Variants in CASZ1 observed in about 807,000 individuals in gnomAD.
CASZ1 encodes zinc finger protein castor homolog 1.
In CASZ1, 28 loss-of-function variants were observed where a neutral mutation model predicts 135.2. The observed-to-expected ratio is 0.21, with a 90% confidence interval of 0.15 to 0.28. The LOEUF is 0.28. CASZ1 is among the 10% of genes least tolerant of loss of function. The pLI, the probability that CASZ1 is intolerant of heterozygous loss-of-function variation, is 1.00. For synonymous variants in CASZ1, 1,068 were observed against 1,073.4 expected (o/e 0.99, Z 0.10); for missense variants, 2,161 against 2,453.3 (o/e 0.88, Z 2.52).
Position 10,660,317 on chromosome 1 carries a change from T to C in CASZ1, c.725A>G (p.Tyr242Cys). ...CTCGCCAGCCTTGAGCTTGCGGATG[T>C]ACTCCTCATACTTAGAGAACCGCGC... ...KRARFSKYEE[Y>C]IRKLKAGEQL... The change falls in exon 6 of 21, where the codon TAC becomes TGC. Residue 242 changes from tyrosine to cysteine, a missense_variant. Around this residue, in one of 7 missense-constraint regions of CASZ1, gnomAD observed 590 missense variants for 609.8 expected, o/e 0.97. Coordinates refer to ENST00000377022, the MANE Select transcript of CASZ1 (RefSeq NM_001079843.3). 6.2e-7 allele frequency: 1 copy of C among 1,614,136 alleles called. No homozygotes were observed. Among genetic ancestry groups the C allele is most frequent in the Non-Finnish European group, 8.5e-7 (1 of 1,180,020 alleles).
chr1:10,795,715 G>C (rs903544740), intron 1 of CASZ1, among the ~76,000 whole-genome samples: 5 of 152,204 alleles, frequency 3.3e-5, no homozygotes, highest in African/African-American at 1.2e-4. Context: ...GCAGGGGGTG[G>C]GGTGGGGAAG....
At chr1:10,743,005 G>A (rs1487933153) in intron 2 of CASZ1, among the ~76,000 whole-genome samples, 2 of 150,886 alleles carry the variant, frequency 1.3e-5, no homozygotes, top group Non-Finnish European at 2.9e-5. Flanking sequence ...AGAAAAAAAA[G>A]CCTCTGAGCA....
At chr1:10,675,022 G>C (rs284314) in intron 4 of CASZ1, among the ~76,000 whole-genome samples, 114,801 of 151,782 alleles carry the variant, frequency 0.76, 44,193 homozygotes, top group Middle Eastern at 0.86. Context: ...GATACCCCCC[G>C]CAACCAACTG....
In CASZ1 at chr1:10,662,259, CCA is replaced by C. The variant is rs528679165; in HGVS notation, c.506-1725_506-1724del. Among the ~76,000 whole-genome samples the C allele has an allele frequency of 4.4e-4, 60 of 136,590 alleles. No homozygotes were observed. In the East Asian group the frequency reaches 6.0e-3, roughly 14 times the overall value. The allele number at this position is 136,590 out of a possible 152,430, so 89.6% of individuals were successfully genotyped here. ...CACATACATTGACACCCACCCACCC[CCA>C]CACACAGTCACATGCTCACAATCAC... On this transcript the variant is annotated intron_variant, in intron 5 of 20. Coordinates refer to ENST00000377022, the MANE Select transcript of CASZ1 (RefSeq NM_001079843.3).
chr1:10,772,034 C>A (rs757095027), intron 1 of CASZ1, among the ~76,000 whole-genome samples: 12 of 152,198 alleles, frequency 7.9e-5, no homozygotes, highest in Non-Finnish European at 1.6e-4. Flanking sequence ...GCACTGACTG[C>A]CAAGGCAACA....
At chr1:10,688,740 T>TTCTGTGGCCAGGCAGCC (rs1262893945) in intron 4 of CASZ1, among the ~76,000 whole-genome samples, 3 of 152,192 alleles carry the variant, frequency 2.0e-5, no homozygotes, top group Non-Finnish European at 4.4e-5. Flanking sequence ...GTCAGGGTGC[T>TTCTGTGGCCAGGCAGCC]GTTCTGTGGC....
intron 2 of CASZ1, among the ~76,000 whole-genome samples, chr1:10,746,147 G>A (rs565380551): frequency 8.5e-5 from 13 of 152,344 alleles, no homozygotes; most frequent in African/African-American, 2.9e-4. Flanking sequence ...TACTGTTCCC[G>A]CTGTCCAGGC....
chr1:10,680,452 T>G (rs1638378014), intron 4 of CASZ1, among the ~76,000 whole-genome samples: 1 of 152,192 alleles, frequency 6.6e-6, no homozygotes, highest in African/African-American at 2.4e-5. Context: ...CTGGCTTGGT[T>G]GAGTTTCTCA....
chr1:10,737,112 T>C (rs567937934), intron 2 of CASZ1, among the ~76,000 whole-genome samples: 1 of 152,242 alleles, frequency 6.6e-6, no homozygotes, highest in Non-Finnish European at 1.5e-5. Context: ...TCCATCCAGC[T>C]GCTGGGGCCA....
intron 2 of CASZ1, among the ~76,000 whole-genome samples, chr1:10,744,426 AG>A (rs1323906987): frequency 1.8e-5 from 1 of 56,710 alleles, no homozygotes; most frequent in African/African-American, 7.7e-5. Flanking sequence ...GGGCACCACG[AG>A]CAGGCATGTC....
At chr1:10,710,749 C>T (rs537487306) in intron 2 of CASZ1, among the ~76,000 whole-genome samples, 1 of 152,404 alleles carries the variant, frequency 6.6e-6, no homozygotes, top group Non-Finnish European at 1.5e-5. Flanking sequence ...CTAGATCTCT[C>T]TTGTCCCTGC....
intron 1 of CASZ1, among the ~76,000 whole-genome samples, chr1:10,783,113 C>A (rs184465293): frequency 6.6e-6 from 1 of 152,336 alleles, no homozygotes; most frequent in Admixed American, 6.5e-5. Context: ...TCAACACACA[C>A]GGCCCTCCCG....
Position 10,709,246 on chromosome 1 carries a change from G to C in CASZ1, c.-76-3702C>G, listed in dbSNP as rs543099711. On this transcript the variant is annotated intron_variant, in intron 2 of 20. Coordinates refer to ENST00000377022, the MANE Select transcript of CASZ1 (RefSeq NM_001079843.3). This position sits in a 1 kb window ranked among gnomAD's most constrained non-coding sequence, Gnocchi z 5.1. ...AGGCCTCCCGGGGCCATGGGGGCTC[G>C]GGGCAGCTGTCGGGCTGCCCATCCG... 1.3e-5 allele frequency among the ~76,000 whole-genome samples: 2 copies of C among 152,122 alleles called. No homozygotes were observed. Among genetic ancestry groups the C allele is most frequent in the East Asian group, 1.9e-4 (1 of 5,180 alleles).
At chr1:10,748,441 C>G (rs1487557271) in intron 2 of CASZ1, among the ~76,000 whole-genome samples, 1 of 152,238 alleles carries the variant, frequency 6.6e-6, no homozygotes. Context: ...GGTCCCAGGT[C>G]CGGTCACAGG....
intron 1 of CASZ1, among the ~76,000 whole-genome samples, chr1:10,771,316 TTTA>T (rs955808632): frequency 1.4e-4 from 22 of 151,862 alleles, no homozygotes; most frequent in African/African-American, 4.3e-4. Flanking sequence ...CTTAGAAGTT[TTTA>T]TTATTATTAT....
chr1:10,674,136 C>A (rs1335333448), intron 4 of CASZ1, among the ~76,000 whole-genome samples: 1 of 152,226 alleles, frequency 6.6e-6, no homozygotes, highest in Non-Finnish European at 1.5e-5. Flanking sequence ...CCCCAGGTGC[C>A]CCTGCACTAG....
chr1:10,784,831 G>A (rs1400324790), intron 1 of CASZ1, among the ~76,000 whole-genome samples: 1 of 152,124 alleles, frequency 6.6e-6, no homozygotes, highest in African/African-American at 2.4e-5. Context: ...CTCCCAAAGT[G>A]CTGGTATTAC....
rs1396621246 is a variant in CASZ1, at chr1:10,724,630, A to G, written c.-76-19086T>C. Among the ~76,000 whole-genome samples the G allele has an allele frequency of 6.6e-6, 1 of 152,170 alleles. No individual in the cohort carries two copies. Among genetic ancestry groups the G allele is most frequent in the African/African-American group, 2.4e-5 (1 of 41,440 alleles). On this transcript the variant is annotated intron_variant, in intron 2 of 20. Coordinates refer to ENST00000377022, the MANE Select transcript of CASZ1 (RefSeq NM_001079843.3). The surrounding 1 kb of genome is among the most constrained non-coding windows in gnomAD (Gnocchi z 4.1). ...AGCAGAGAGTGTTAGAGGTTAGAGA[A>G]GCACTTCTCCCCCAGCCAAAGCAAG...
Position 10,639,975 on chromosome 1 carries a change from C to G in CASZ1, c.4247G>C (p.Arg1416Pro), listed in dbSNP as rs771774588. 4.3e-6 allele frequency: 7 copies of G among 1,612,696 alleles called. No individual in the cohort carries two copies. The highest frequency in any genetic ancestry group is 5.9e-6 in the Non-Finnish European group (7 of 1,180,022). The part of the protein sequence containing the change: ...IEDMSPFGKR[R>P]KTASSRKMLD... ...CATCTTCCGGGAGGACGCCGTCTTCCGCCGCTTGCCGAAGGGCGACATGTC... is the reference window on the plus strand; with the variant it reads ...CATCTTCCGGGAGGACGCCGTCTTCGGCCGCTTGCCGAAGGGCGACATGTC... The change falls in exon 21 of 21, where the codon CGG becomes CCG. Residue 1416 changes from arginine to proline, a missense_variant. Arg to Pro is a moderately radical substitution (Grantham distance 103). Transcript: ENST00000377022. This position sits in a 1 kb window ranked among gnomAD's most constrained non-coding sequence, Gnocchi z 4.0.
Sources: gnomAD v4.1 joint callset for allele counts (sites outside exome capture counted in the v4.1 genomes callset) on GRCh38, gnomAD v4.1.1 for gene constraint, gnomAD v4.1.1 regional missense constraint, Gnocchi (gnomAD v3.1) non-coding constraint, MANE v1.5 for transcripts, NCBI Gene and HGNC (gene_info 2026-07-23, HGNC 2026-07-21) for gene names.